Variants in COL24A1 observed in about 807,000 individuals in gnomAD.
The protein encoded by COL24A1 is collagen alpha-1(XXIV) chain.
COL24A1 carries 224 observed loss-of-function variants against 253.9 expected under a neutral mutation model. That is an observed-to-expected ratio of 0.88 (90% CI 0.79 to 0.99). The LOEUF (loss-of-function observed/expected upper bound fraction) is 0.99, where lower values mean the gene tolerates loss of function less well. Among genes scored for constraint, COL24A1 ranks in the 50% least tolerant of loss-of-function variants. The pLI, the probability that COL24A1 is intolerant of heterozygous loss-of-function variation, is 0.00. For synonymous variants in COL24A1, 685 were observed against 673.7 expected, an observed-to-expected ratio of 1.02 and a Z score of -0.26; for missense variants, 2,131 against 2,068.5, an observed-to-expected ratio of 1.03 and a Z score of -0.59.
At chr1:85,949,554 T>C (rs561912288) in intron 24 of COL24A1, among the ~76,000 whole-genome samples, 1 of 152,286 alleles carries the variant, frequency 6.6e-6, no homozygotes, top group South Asian at 2.1e-4. Context: ...AGGTACTGTA[T>C]ATAAGATATA....
Position 85,744,841 on chromosome 1 carries a change from A to T in COL24A1, c.4504-7T>A. The stretch of plus-strand genomic sequence containing the variant: ...CTTCAGTATTCTGGTAGCTCTGCCA[A>T]GTCATCATAAGAATTATATAAGCAA... On this transcript the variant is annotated splice_region_variant and splice_polypyrimidine_tract_variant and intron_variant, in intron 56 of 59. Coordinates refer to ENST00000370571, the MANE Select transcript of COL24A1 (RefSeq NM_152890.7). The T allele has an allele frequency of 6.2e-7, 1 of 1,605,062 alleles. No homozygotes were observed. The highest frequency in any genetic ancestry group is 1.7e-5 in the Admixed American group (1 of 58,400).
In COL24A1 at chr1:85,868,467, A is replaced by T. The variant is rs79287572; in HGVS notation, c.3300+52T>A. ...TGTGTAGGTTTGTGCATGTGTACAC[A>T]TACAGGCAGTGAATTCACTTAGTAT... On this transcript the variant is annotated intron_variant, in intron 37 of 59. Transcript: ENST00000370571. 7,252 of 1,309,956 alleles carry T rather than the reference A, an allele frequency of 5.5e-3. 28 individuals are homozygous for T. The highest frequency in any genetic ancestry group is 0.012 in the Middle Eastern group (66 of 5,470). The allele number at this position is 1,309,956 out of a possible 1,614,324, so 81.1% of individuals were successfully genotyped here.
At chr1:86,035,555 C>CCTA (rs1482956114) in intron 12 of COL24A1, among the ~76,000 whole-genome samples, 1 of 151,946 alleles carries the variant, frequency 6.6e-6, no homozygotes, top group East Asian at 1.9e-4. Context: ...TTAGTGGTTG[C>CCTA]CTACGGCTGG....
chr1:86,067,579 T>C (rs1701586597), intron 7 of COL24A1, among the ~76,000 whole-genome samples: 1 of 152,200 alleles, frequency 6.6e-6, no homozygotes, highest in Non-Finnish European at 1.5e-5. Context: ...GTATTTAATA[T>C]GGTAACTCTA....
At chr1:85,742,364 C>T (rs534284593) in intron 57 of COL24A1, among the ~76,000 whole-genome samples, 1 of 152,120 alleles carries the variant, frequency 6.6e-6, no homozygotes, top group African/African-American at 2.4e-5. Flanking sequence ...AATCTCTTCA[C>T]CTCATGATCT....
chr1:85,786,279 T>G (rs1476151299), intron 48 of COL24A1, 75 bp downstream of exon 48: 3 of 1,243,284 alleles, frequency 2.4e-6, no homozygotes, highest in South Asian at 1.4e-5. Flanking sequence ...TACCATTCTG[T>G]GATCTAGCCA....
At chr1:86,083,496 TATC>T (rs1197106251) in intron 7 of COL24A1, among the ~76,000 whole-genome samples, 1 of 152,094 alleles carries the variant, frequency 6.6e-6, no homozygotes, top group African/African-American at 2.4e-5. Context: ...TTACAGAATT[TATC>T]TGAGGAAGAA....
rs767261893 is a variant in COL24A1, at chr1:85,737,395, C to A, written c.4782+1G>T. 6.3e-7 allele frequency: 1 copy of A among 1,599,554 alleles called. No individual in the cohort carries two copies. The highest frequency in any genetic ancestry group is 8.6e-7 in the Non-Finnish European group (1 of 1,168,686). ...ATGTGTTCTAAAATTCAGTAACATACCTTTGTTACAGAAACAGGAGGTAAG... is the reference window on the plus strand; with the variant it reads ...ATGTGTTCTAAAATTCAGTAACATAACTTTGTTACAGAAACAGGAGGTAAG... On this transcript the variant is annotated splice_donor_variant, in intron 58 of 59. Coordinates refer to ENST00000370571, the MANE Select transcript of COL24A1 (RefSeq NM_152890.7). LOFTEE classifies it high-confidence loss of function.
intron 4 of COL24A1, among the ~76,000 whole-genome samples, chr1:86,115,003 A>G (rs1705996936): frequency 6.6e-6 from 1 of 152,174 alleles, no homozygotes; most frequent in Admixed American, 6.5e-5. Context: ...CATTTCCCCA[A>G]ACAAATGAAT....
intron 3 of COL24A1, among the ~76,000 whole-genome samples, chr1:86,118,641 A>G (rs1706396952): frequency 6.6e-6 from 1 of 152,172 alleles, no homozygotes; most frequent in African/African-American, 2.4e-5. Flanking sequence ...TAAATACATA[A>G]TTACAAATTT....
At position 85,946,873 on chromosome 1, in the gene COL24A1, A is replaced by G. The variant is rs544142378; in HGVS notation, c.2562+14376T>C. Among the ~76,000 whole-genome samples the G allele has an allele frequency of 2.3e-4, 35 of 152,328 alleles. 2 individuals carry two copies. In the South Asian group the frequency reaches 6.2e-3, roughly 27 times the overall value. ...GAACTACTATTCTGTTGAAATTCTT[A>G]ACTGTTCTGTGTTCTATATATACAC... On this transcript the variant is annotated intron_variant, in intron 24 of 59. Transcript: ENST00000370571.
At chr1:85,847,409 T>C (rs1164827516) in intron 39 of COL24A1, among the ~76,000 whole-genome samples, 2 of 152,222 alleles carry the variant, frequency 1.3e-5, no homozygotes. Context: ...AGTTATAATC[T>C]TACTTTTTAA....
intron 47 of COL24A1, among the ~76,000 whole-genome samples, chr1:85,790,027 T>G (rs1670096503): frequency 6.6e-6 from 1 of 152,170 alleles, no homozygotes; most frequent in South Asian, 2.1e-4. Context: ...TTGTTATATC[T>G]CTAGCAGGTT....
chr1:85,842,778 C>T (rs1047771337), intron 39 of COL24A1, among the ~76,000 whole-genome samples: 1 of 152,078 alleles, frequency 6.6e-6, no homozygotes, highest in Non-Finnish European at 1.5e-5. Context: ...GACATTGTCA[C>T]TACGGGATCC....
intron 47 of COL24A1, among the ~76,000 whole-genome samples, chr1:85,808,232 G>T (rs577072879): frequency 6.6e-6 from 1 of 152,314 alleles, no homozygotes; most frequent in South Asian, 2.1e-4. Flanking sequence ...AGGCCTGAAA[G>T]ATACAGGGGT....
chr1:85,880,210 A>C (rs1681665412), intron 32 of COL24A1, among the ~76,000 whole-genome samples: 1 of 152,180 alleles, frequency 6.6e-6, no homozygotes, highest in African/African-American at 2.4e-5. Context: ...AGTTTACCTC[A>C]TATAGATCTT....
At chr1:86,028,550 G>T (rs1312290530) in intron 14 of COL24A1, among the ~76,000 whole-genome samples, 2 of 152,172 alleles carry the variant, frequency 1.3e-5, no homozygotes, top group African/African-American at 2.4e-5. Context: ...CACCATGATT[G>T]TAAGTTTCCT....
At chr1:85,864,039 T>G (rs1300032271) in intron 37 of COL24A1, among the ~76,000 whole-genome samples, 2 of 152,076 alleles carry the variant, frequency 1.3e-5, no homozygotes, top group African/African-American at 4.8e-5. Context: ...GACCCAGCAA[T>G]CCCATTACGG....
chr1:86,113,837 C>CTAAAAAAAAA (rs1705851960), intron 4 of COL24A1, among the ~76,000 whole-genome samples: 1 of 72,404 alleles, frequency 1.4e-5, no homozygotes, highest in African/African-American at 6.3e-5. Flanking sequence ...TCCTGTCTCA[C>CTAAAAAAAAA]AAAAAAAAAA....
Sources: gnomAD v4.1 joint callset for allele counts (sites outside exome capture counted in the v4.1 genomes callset) on GRCh38, gnomAD v4.1.1 for gene constraint, MANE v1.5 for transcripts, NCBI Gene and HGNC (gene_info 2026-07-23, HGNC 2026-07-21) for gene names.